The following DDAH1 variants were observed in gnomAD, a reference collection of about 807,000 sequenced individuals.
The protein encoded by DDAH1 is dimethylarginine dimethylaminohydrolase 1, also known as N(G),N(G)-dimethylarginine dimethylaminohydrolase 1.
Under a neutral mutation model 28.8 loss-of-function variants are expected in DDAH1, and 19 were observed. That is an observed-to-expected ratio of 0.66 (90% confidence interval 0.46 to 0.97). The LOEUF is 0.97. DDAH1 is among the 50% of genes least tolerant of loss of function. The pLI, the probability that DDAH1 is intolerant of heterozygous loss-of-function variation, is 0.00. For missense variants in DDAH1, 326 were observed against 375.9 expected (o/e 0.87, Z 1.10); for synonymous variants, 153 against 154.4 (o/e 0.99, Z 0.07).
chr1:85,326,245 T>C lies in DDAH1; in HGVS notation c.598-1362A>G, dbSNP rs534891906. 2.0e-5 allele frequency among the ~76,000 whole-genome samples: 3 copies of C among 152,264 alleles called. No homozygotes were observed. In the South Asian group the frequency reaches 6.2e-4, roughly 32 times the overall value. On this transcript the variant is annotated intron_variant, in intron 4 of 5. Transcript: ENST00000284031. ...ATCCCATAATGGAATACCCTTCACA[T>C]GGAATGAAACATCAGGAATGGGGAT...
chr1:85,494,431 A>G (rs1471865765), intron 2 of DDAH1: 1 of 152,210 alleles, frequency 6.6e-6, no homozygotes, highest in Non-Finnish European at 1.5e-5. Flanking sequence ...CCTGACCAAG[A>G]GTAGTGTTGG....
At chr1:85,518,004 G>A (rs914963646) in intron 1 of DDAH1, among the ~76,000 whole-genome samples, 4 of 152,176 alleles carry the variant, frequency 2.6e-5, no homozygotes, top group African/African-American at 4.8e-5. Context: ...GTATCTAATT[G>A]TGCACATGAG....
chr1:85,431,260 T>G (rs1460454476), intron 1 of DDAH1, among the ~76,000 whole-genome samples: 1 of 152,194 alleles, frequency 6.6e-6, no homozygotes, highest in Non-Finnish European at 1.5e-5. Flanking sequence ...TTGTGGTGGA[T>G]AAGCTTTTTG....
chr1:85,379,434 C>A, intron 1 of DDAH1: 1 of 228,694 alleles, frequency 4.4e-6, no homozygotes, highest in Non-Finnish European at 7.2e-6. Flanking sequence ...ATTTGAACCA[C>A]TATTCTACAG....
rs1661212602 is a variant in DDAH1 at position 85,318,921 on chromosome 1, G to A, written c.*2531C>T. 6.6e-6 allele frequency: 1 copy of A among 152,146 alleles called. No individual in the cohort carries two copies. The highest frequency in any genetic ancestry group is 1.5e-5 in the Non-Finnish European group (1 of 68,026). The allele number at this position is 152,146 out of a possible 1,614,324, so 9.4% of individuals were successfully genotyped here. A position where few individuals can be genotyped will look rare whatever the true frequency, so the allele number is the denominator to read the frequency against. ...AGCTGAAGAAATAATGCTAAATAAT[G>A]TATTTTCTCTATATCATCCTTTAAC... is the stretch of plus-strand genomic sequence containing the variant. On this transcript the variant is annotated 3_prime_UTR_variant, in exon 6 of 6. Transcript: ENST00000284031.
At chr1:85,508,159 G>T (rs756410946) in intron 1 of DDAH1, among the ~76,000 whole-genome samples, 1 of 152,184 alleles carries the variant, frequency 6.6e-6, no homozygotes, top group Non-Finnish European at 1.5e-5. Context: ...CTTTGTAACC[G>T]TGTGAATAAC....
At chr1:85,542,273 T>C (rs1234450526) in intron 1 of DDAH1, among the ~76,000 whole-genome samples, 8 of 152,212 alleles carry the variant, frequency 5.3e-5, no homozygotes, top group Non-Finnish European at 1.2e-4. Flanking sequence ...GACAAACTGC[T>C]GTTGTGTCAT....
intron 2 of DDAH1, among the ~76,000 whole-genome samples, chr1:85,352,267 T>C (rs1327191365): frequency 6.6e-6 from 1 of 151,960 alleles, no homozygotes; most frequent in Non-Finnish European, 1.5e-5. Context: ...TGAGCAAGTG[T>C]GGGTGTGTGT....
At chr1:85,494,964 C>G (rs1377314742) in intron 2 of DDAH1, 1 of 152,250 alleles carries the variant, frequency 6.6e-6, no homozygotes, top group Admixed American at 6.5e-5. Flanking sequence ...AACTCACCTT[C>G]TAGTCAGACT....
chr1:85,323,300 G>T (rs1176139999), intron 5 of DDAH1, among the ~76,000 whole-genome samples: 2 of 152,186 alleles, frequency 1.3e-5, no homozygotes, highest in East Asian at 3.9e-4. Flanking sequence ...TAAATATCTT[G>T]TTCCTCCGGG....
In DDAH1 at chr1:85,437,334, G is replaced by C. The variant is rs148971364; in HGVS notation, c.303+27409C>G. On this transcript the variant is annotated intron_variant, in intron 1 of 5. Transcript: ENST00000284031. ...ACTGCCGGATATTTAAATAATTATA[G>C]TTGACCCTTGAACAACATGGGTTTG... 1.8e-3 allele frequency among the ~76,000 whole-genome samples: 279 copies of C among 152,238 alleles called. 1 individual carries two copies. The highest frequency in any genetic ancestry group is 6.6e-3 in the African/African-American group (273 of 41,528).
intron 1 of DDAH1, among the ~76,000 whole-genome samples, chr1:85,560,365 T>G (rs1483629568): frequency 6.6e-6 from 1 of 152,120 alleles, no homozygotes; most frequent in East Asian, 1.9e-4. Context: ...GAGAGAAATT[T>G]GGATCTATAC....
intron 1 of DDAH1, among the ~76,000 whole-genome samples, chr1:85,570,508 A>G (rs190830409): frequency 1.4e-4 from 21 of 152,288 alleles, no homozygotes; most frequent in African/African-American, 4.3e-4. Flanking sequence ...TGCCCGTGGC[A>G]ACTCCCAACC....
At chr1:85,420,105 G>C (rs1047980002) in intron 1 of DDAH1, among the ~76,000 whole-genome samples, 1 of 152,070 alleles carries the variant, frequency 6.6e-6, no homozygotes, top group African/African-American at 2.4e-5. Context: ...GGGATGCAGG[G>C]AGCAGTGTCC....
At chr1:85,465,720 C>T (rs1655355431), upstream of DDAH1, among the ~76,000 whole-genome samples, 1 of 152,064 alleles carries the variant, frequency 6.6e-6, no homozygotes, top group East Asian at 1.9e-4. Flanking sequence ...ATTTGCATAT[C>T]TGAAAACAGT....
At chr1:85,478,425 G>C (rs1343569084) in intron 2 of DDAH1, among the ~76,000 whole-genome samples, 2 of 152,238 alleles carry the variant, frequency 1.3e-5, no homozygotes, top group Non-Finnish European at 2.9e-5. Flanking sequence ...CCACATGGCT[G>C]AGGAGGCCTC....
chr1:85,475,772 T>C (rs1417837588), intron 2 of DDAH1, among the ~76,000 whole-genome samples: 1 of 152,168 alleles, frequency 6.6e-6, no homozygotes, highest in East Asian at 1.9e-4. Flanking sequence ...CTAGTGGCTT[T>C]ATGGAGAAAG....
chr1:85,332,940 A>G (rs1274943065), intron 4 of DDAH1, among the ~76,000 whole-genome samples: 1 of 152,168 alleles, frequency 6.6e-6, no homozygotes, highest in Non-Finnish European at 1.5e-5. Context: ...GTGAGTGCCC[A>G]TGGGGAGCCT....
chr1:85,568,474 C>T (rs966951950), intron 1 of DDAH1, among the ~76,000 whole-genome samples: 2 of 152,218 alleles, frequency 1.3e-5, no homozygotes, highest in East Asian at 3.9e-4. Context: ...ATCAGGCTCA[C>T]CTTTAACACT....
Sources: allele counts gnomAD v4.1 joint callset (sites outside exome capture counted in the v4.1 genomes callset), GRCh38; gene constraint gnomAD v4.1.1; transcripts MANE v1.5; gene names NCBI Gene and HGNC (gene_info 2026-07-23, HGNC 2026-07-21).